Variants in ZFPM2 observed in about 807,000 individuals in gnomAD.
ZFPM2 encodes zinc finger protein ZFPM2.
In ZFPM2, 20 loss-of-function variants were observed where a neutral mutation model predicts 98.6. The ratio of observed to expected loss-of-function variants is 0.20; its 90% CI spans 0.14 to 0.29. The LOEUF is 0.29. Among genes scored for constraint, ZFPM2 ranks in the 10% least tolerant of loss-of-function variants. The pLI is 1.00. For missense variants in ZFPM2, 1,310 were observed against 1,388.6 expected (o/e 0.94, Z 0.90); for synonymous variants, 518 against 502.7 (o/e 1.03, Z -0.41).
intron 5 of ZFPM2, among the ~76,000 whole-genome samples, chr8:105,636,494 A>G (rs1816849984): frequency 6.6e-6 from 1 of 152,112 alleles, no homozygotes; most frequent in South Asian, 2.1e-4. Context: ...ATTCTCTATT[A>G]CCTTGTTTCA....
intron 1 of ZFPM2, among the ~76,000 whole-genome samples, chr8:105,359,367 C>CTTTTTT (rs111675257): frequency 4.1e-4 from 55 of 135,244 alleles, no homozygotes; most frequent in Admixed American, 6.8e-4. Flanking sequence ...CTTTTTCTTT[C>CTTTTTT]TTTTTTTTTT....
chr8:105,575,153 G>T (rs544669135), intron 4 of ZFPM2, among the ~76,000 whole-genome samples: 1 of 152,292 alleles, frequency 6.6e-6, no homozygotes, highest in Admixed American at 6.5e-5. Context: ...AGGAGAAGGG[G>T]TGAGGGAGGA....
At chr8:105,380,828 ATATATAT>A (rs1331007373) in intron 1 of ZFPM2, among the ~76,000 whole-genome samples, 2 of 82,304 alleles carry the variant, frequency 2.4e-5, no homozygotes, top group African/African-American at 6.2e-5. Context: ...ATAATATATA[ATATATAT>A]GTTATATATA....
At chr8:105,433,542 C>T (rs1422523817) in intron 2 of ZFPM2, among the ~76,000 whole-genome samples, 1 of 152,172 alleles carries the variant, frequency 6.6e-6, no homozygotes, top group Admixed American at 6.5e-5. Flanking sequence ...AATCTCAGCA[C>T]TTTGGGAGGC....
chr8:105,784,534 C>G (rs1274699278), intron 5 of ZFPM2, among the ~76,000 whole-genome samples: 1 of 145,652 alleles, frequency 6.9e-6, no homozygotes, highest in Admixed American at 6.6e-5. Context: ...GTGGATGAAA[C>G]CAAAACGATA....
intron 1 of ZFPM2, among the ~76,000 whole-genome samples, chr8:105,397,377 G>A (rs573174116): frequency 6.6e-6 from 1 of 151,802 alleles, no homozygotes; most frequent in Admixed American, 6.6e-5. Context: ...GGAACCATAA[G>A]GATTAAAAAA....
chr8:105,355,925 G>A (rs536747157), intron 1 of ZFPM2, among the ~76,000 whole-genome samples: 15 of 152,312 alleles, frequency 9.8e-5, no homozygotes, highest in Non-Finnish European at 1.6e-4. Context: ...TGGTGAAAAT[G>A]TATGCTTCTT....
chr8:105,785,633 A>G (rs1394379289), intron 5 of ZFPM2, among the ~76,000 whole-genome samples: 1 of 152,190 alleles, frequency 6.6e-6, no homozygotes, highest in Non-Finnish European at 1.5e-5. Flanking sequence ...GCTGGACACC[A>G]TGGCTCACGC....
intron 3 of ZFPM2, among the ~76,000 whole-genome samples, chr8:105,485,931 C>T (rs913705871): frequency 2.0e-5 from 3 of 152,114 alleles, no homozygotes; most frequent in African/African-American, 7.2e-5. Flanking sequence ...ATGACTTATG[C>T]TGACCATCTA....
At chr8:105,418,520 C>T (rs1811727039) in intron 1 of ZFPM2, 1 of 513,656 alleles carries the variant, frequency 1.9e-6, no homozygotes. Context: ...ATACAAATTA[C>T]ATTTTTTCAT....
At chr8:105,486,174 A>C (rs1375712889) in intron 3 of ZFPM2, among the ~76,000 whole-genome samples, 1 of 152,112 alleles carries the variant, frequency 6.6e-6, no homozygotes, top group Non-Finnish European at 1.5e-5. Flanking sequence ...AATTCACTTG[A>C]ACCTTATGGA....
At chr8:105,795,109 G>T (rs1324531158) in intron 6 of ZFPM2, among the ~76,000 whole-genome samples, 1 of 152,136 alleles carries the variant, frequency 6.6e-6, no homozygotes, top group Non-Finnish European at 1.5e-5. Flanking sequence ...CCACTGTCTG[G>T]CACTCCCTAG....
intron 3 of ZFPM2, among the ~76,000 whole-genome samples, chr8:105,530,472 A>G (rs2130580308): frequency 6.6e-6 from 1 of 152,262 alleles, no homozygotes; most frequent in Non-Finnish European, 1.5e-5. Flanking sequence ...TAGAAGTCCA[A>G]GATCAGGGTG....
chr8:105,383,063 G>T (rs2129887728), intron 1 of ZFPM2, among the ~76,000 whole-genome samples: 1 of 152,218 alleles, frequency 6.6e-6, no homozygotes, highest in Non-Finnish European at 1.5e-5. Flanking sequence ...AGGAATAAGG[G>T]TAGGCTAGAA....
intron 4 of ZFPM2, among the ~76,000 whole-genome samples, chr8:105,563,627 A>T (rs1014483105): frequency 6.6e-6 from 1 of 152,190 alleles, no homozygotes; most frequent in Non-Finnish European, 1.5e-5. Context: ...GAGCAATATT[A>T]ACTGTGCCCA....
At chr8:105,499,402 T>TA (rs1172930708) in intron 3 of ZFPM2, among the ~76,000 whole-genome samples, 1 of 152,036 alleles carries the variant, frequency 6.6e-6, no homozygotes, top group African/African-American at 2.4e-5. Flanking sequence ...GAATGACTGA[T>TA]AGTCACATTC....
intron 5 of ZFPM2, among the ~76,000 whole-genome samples, chr8:105,781,984 T>G (rs142320152): frequency 6.6e-6 from 1 of 152,270 alleles, no homozygotes; most frequent in East Asian, 1.9e-4. Flanking sequence ...TCACATAAAA[T>G]CTGCCTTATT....
rs1563704403 is a variant in ZFPM2 at position 105,534,046 on chromosome 8, T to TCCTC, written c.302-27313_302-27310dup. ...TCCCTTCCTCCCTCCCTCCCTCCCT[T>TCCTC]CCTCCCTTCCTCCCTCCCTTCCTTC... On this transcript the variant is annotated intron_variant, in intron 3 of 7. Transcript: ENST00000407775. Among the ~76,000 whole-genome samples the TCCTC allele has an allele frequency of 1.3e-4, 3 of 23,286 alleles. 1 individual carries two copies. Among genetic ancestry groups the TCCTC allele is most frequent in the South Asian group, 5.4e-3 (2 of 368 alleles). The allele number at this position is 23,286 out of a possible 152,430, so 15.3% of individuals were successfully genotyped here.
chr8:105,552,968 C>A (rs895419766), intron 3 of ZFPM2, among the ~76,000 whole-genome samples: 4 of 151,618 alleles, frequency 2.6e-5, no homozygotes, highest in Non-Finnish European at 5.9e-5. Context: ...TGCCACCACA[C>A]CTGGCTAATT....
Sources: allele counts gnomAD v4.1 joint callset (sites outside exome capture counted in the v4.1 genomes callset), GRCh38; gene constraint gnomAD v4.1.1; transcripts MANE v1.5; gene names NCBI Gene and HGNC (gene_info 2026-07-23, HGNC 2026-07-21).